The following C1orf87 variants were observed in gnomAD, a reference collection of about 807,000 sequenced individuals.
C1orf87 encodes uncharacterized protein C1orf87.
Under a neutral mutation model 60.5 loss-of-function variants are expected in C1orf87, and 58 were observed. The ratio of observed to expected loss-of-function variants is 0.96; its 90% CI spans 0.78 to 1.19. C1orf87 has a LOEUF of 1.19. Ranked by LOEUF, C1orf87 falls within the 50% of genes most tolerant of loss-of-function variation. The pLI is 0.00. For synonymous variants in C1orf87, 236 were observed against 227.4 expected (o/e 1.04, Z -0.34); for missense variants, 673 against 638.6 (o/e 1.05, Z -0.58).
intron 6 of C1orf87, 34 bp from the exon 7 acceptor site, chr1:60,033,675 A>G: frequency 6.2e-7 from 1 of 1,600,912 alleles, no homozygotes; most frequent in Non-Finnish European, 8.5e-7. Flanking sequence ...GGCTATGAAA[A>G]GGTTATCCAC....
At chr1:60,008,632 CA>C (rs1486619014) in intron 9 of C1orf87, 1 of 447,276 alleles carries the variant, frequency 2.2e-6, no homozygotes, top group Non-Finnish European at 4.5e-6. Flanking sequence ...CATGTGAGGA[CA>C]CATCAAGTAT....
At chr1:60,019,979 A>G (rs941515924) in intron 8 of C1orf87, among the ~76,000 whole-genome samples, 2 of 152,202 alleles carry the variant, frequency 1.3e-5, no homozygotes, top group South Asian at 4.1e-4. Flanking sequence ...TAGCCTGACT[A>G]TGAGGTAGAA....
At chr1:60,032,438 T>TG (rs1429773103) in intron 7 of C1orf87, among the ~76,000 whole-genome samples, 2 of 142,590 alleles carry the variant, frequency 1.4e-5, no homozygotes, top group Non-Finnish European at 3.1e-5. Context: ...TCAGGTTTTT[T>TG]TTTTTTTTTT....
chr1:60,070,692 G>C (rs650221), intron 2 of C1orf87, among the ~76,000 whole-genome samples: 12,970 of 152,118 alleles, frequency 0.085, 577 homozygotes, highest in South Asian at 0.11. Flanking sequence ...AATACCAATT[G>C]TTGTACTATA....
chr1:60,003,996 C>T (rs186828551), intron 9 of C1orf87, among the ~76,000 whole-genome samples: 4 of 152,086 alleles, frequency 2.6e-5, no homozygotes, highest in East Asian at 1.9e-4. Context: ...ATCTGTTGAA[C>T]GTTTAAGTTG....
At chr1:60,033,389 G>A (rs1382591714) in intron 7 of C1orf87, 87 bp downstream of exon 7, 3 of 1,241,890 alleles carry the variant, frequency 2.4e-6, no homozygotes, top group Non-Finnish European at 3.3e-6. Flanking sequence ...GGCAGAATAT[G>A]GATCAGCCCT....
chr1:60,038,727 T>C (rs183383664), intron 5 of C1orf87, among the ~76,000 whole-genome samples: 4 of 152,332 alleles, frequency 2.6e-5, no homozygotes, highest in Admixed American at 2.6e-4. Flanking sequence ...TGAGCAGATA[T>C]ATTCAGATAA....
chr1:60,034,148 C>A (rs1574312143), intron 6 of C1orf87, among the ~76,000 whole-genome samples: 1 of 152,154 alleles, frequency 6.6e-6, no homozygotes, highest in Non-Finnish European at 1.5e-5. Flanking sequence ...CCTGCATTAA[C>A]CTTGACTCTG....
intron 2 of C1orf87, among the ~76,000 whole-genome samples, chr1:60,060,543 A>T (rs1040312174): frequency 1.3e-5 from 2 of 152,156 alleles, no homozygotes; most frequent in African/African-American, 4.8e-5. Flanking sequence ...GACAGACAAA[A>T]CTAAAGTTCA....
intron 2 of C1orf87, among the ~76,000 whole-genome samples, chr1:60,067,336 G>A (rs1645553507): frequency 6.6e-6 from 1 of 152,006 alleles, no homozygotes; most frequent in African/African-American, 2.4e-5. Context: ...GTTGTTTCCT[G>A]ACATTTCAAT....
At chr1:60,040,241 C>A in intron 4 of C1orf87, 61 bp from the exon 5 acceptor site, 2 of 1,552,006 alleles carry the variant, frequency 1.3e-6, no homozygotes, top group Non-Finnish European at 1.7e-6. Flanking sequence ...AAGACCAAAG[C>A]AAGGAAGCAG....
At position 60,055,348 on chromosome 1, in the gene C1orf87, T is replaced by C. The variant is rs746978454; in HGVS notation, c.198A>G (p.Pro66=). 5.0e-6 allele frequency: 8 copies of C among 1,614,162 alleles called. No individual in the cohort carries two copies. Among genetic ancestry groups the C allele is most frequent in the African/African-American group, 1.3e-5 (1 of 75,060 alleles). The change falls in exon 3 of 12, where the codon CCA becomes CCG. Residue 66 remains proline, a synonymous_variant. Transcript: ENST00000371201. ...DNARQMSRDT[P]VPINFTDQQT... ...GCTGATCAGTGAAGTTAATGGGAAC[T>C]GGGGTGTCTCTGCTCATCTGCCTTG...
intron 8 of C1orf87, among the ~76,000 whole-genome samples, chr1:60,024,866 A>G (rs1352994669): frequency 6.6e-6 from 1 of 152,172 alleles, no homozygotes; most frequent in Non-Finnish European, 1.5e-5. Flanking sequence ...AGTCCCTGAT[A>G]GTCTGTAATG....
chr1:60,030,390 C>T (rs1429256639), intron 7 of C1orf87, among the ~76,000 whole-genome samples: 1 of 152,212 alleles, frequency 6.6e-6, no homozygotes, highest in African/African-American at 2.4e-5. Context: ...GGAGGTCTTA[C>T]AGTCCTGGTC....
intron 3 of C1orf87, among the ~76,000 whole-genome samples, chr1:60,043,502 C>T (rs1645341970): frequency 6.6e-6 from 1 of 152,134 alleles, no homozygotes; most frequent in Non-Finnish European, 1.5e-5. Context: ...CTGCTTCTGC[C>T]TCCAGAGTAG....
intron 9 of C1orf87, 103 bp downstream of exon 9, chr1:60,010,289 G>T: frequency 9.7e-7 from 1 of 1,028,604 alleles, no homozygotes; most frequent in Non-Finnish European, 1.5e-6. Flanking sequence ...TGAGAGAAAT[G>T]AGATGAAACC....
intron 9 of C1orf87, among the ~76,000 whole-genome samples, chr1:60,007,919 T>C (rs1645057298): frequency 6.6e-6 from 1 of 151,706 alleles, no homozygotes; most frequent in Non-Finnish European, 1.5e-5. Flanking sequence ...AAATTCACAG[T>C]TCTACACACC....
At chr1:60,032,383 T>G (rs1263244955) in intron 7 of C1orf87, among the ~76,000 whole-genome samples, 13 of 152,060 alleles carry the variant, frequency 8.5e-5, no homozygotes, top group Admixed American at 7.9e-4. Flanking sequence ...GCCTTGCCAC[T>G]TGTTAGCTGT....
At position 60,001,155 on chromosome 1, in the gene C1orf87, C is replaced by T. The variant is rs1645000869; in HGVS notation, c.1194G>A (p.Gly398=). The part of the protein sequence containing the change: ...SSDLLSDLPT[G]KNEKKAPAPP... ...GGGCAGGGGCTTTCTTTTCATTCTT[C>T]CCTGAACAAGAATAAAAAAAAAAAA... The change falls in exon 10 of 12, where the codon GGG becomes GGA. Residue 398 remains glycine, a splice_region_variant and synonymous_variant. Transcript: ENST00000371201. 1.9e-6 allele frequency: 3 copies of T among 1,563,984 alleles called. No homozygotes were observed. Among genetic ancestry groups the T allele is most frequent in the East Asian group, 2.3e-5 (1 of 43,198 alleles).
Sources: allele counts gnomAD v4.1 joint callset (sites outside exome capture counted in the v4.1 genomes callset), GRCh38; gene constraint gnomAD v4.1.1; transcripts MANE v1.5; gene names NCBI Gene and HGNC (gene_info 2026-07-23, HGNC 2026-07-21).